INPP5A: variants seen among roughly 807,000 people sequenced by gnomAD.
INPP5A encodes inositol polyphosphate-5-phosphatase A, also known as 43 kDa inositol polyphosphate 5-phophatase.
INPP5A carries 14 observed loss-of-function variants against 65.2 expected under a neutral mutation model. That is an observed-to-expected ratio of 0.21 (90% confidence interval 0.14 to 0.34). INPP5A has a LOEUF of 0.34. Among genes scored for constraint, INPP5A ranks in the 10% least tolerant of loss-of-function variants. INPP5A has a pLI of 1.00. For missense variants in INPP5A, 431 were observed against 545.6 expected (o/e 0.79, Z 2.09); for synonymous variants, 207 against 208.3 (o/e 0.99, Z 0.05).
Position 132,608,413 on chromosome 10 carries a change from C to T in INPP5A, c.117+457C>T, listed in dbSNP as rs371561129. On this transcript the variant is annotated intron_variant, in intron 2 of 15. Coordinates refer to ENST00000368594, the MANE Select transcript of INPP5A (RefSeq NM_005539.5). ...GGGTTTCGGGCTGGCACTGCCAGGCCGAGGCACGGACCCCCCTGTCTAATA... is the reference window on the plus strand; with the variant it reads ...GGGTTTCGGGCTGGCACTGCCAGGCTGAGGCACGGACCCCCCTGTCTAATA... Among the ~76,000 whole-genome samples, 101 of 152,290 alleles carry T rather than the reference C, an allele frequency of 6.6e-4. No individual in the cohort carries two copies. In the South Asian group the frequency reaches 0.016, roughly 23 times the overall value.
At chr10:132,691,774 G>GCGTGTGGACGCGGGAGA (rs1254680867) in intron 5 of INPP5A, among the ~76,000 whole-genome samples, 17 of 152,304 alleles carry the variant, frequency 1.1e-4, no homozygotes, top group Admixed American at 9.8e-4. Flanking sequence ...GACACAGGAG[G>GCGTGTGGACGCGGGAGA]CGTGTGGACG....
rs549405909 is a variant in INPP5A, at chr10:132,706,514, G to C, written c.475-1799G>C. On this transcript the variant is annotated intron_variant, in intron 6 of 15. Coordinates refer to ENST00000368594, the MANE Select transcript of INPP5A (RefSeq NM_005539.5). The surrounding 1 kb of genome is among the most constrained non-coding windows in gnomAD (Gnocchi z 4.7). ...TACATTCAGAGGATTCACAGTTCGT[G>C]TGCCGGGGTGCTTCTTACAGCAGTG... 2.0e-5 allele frequency among the ~76,000 whole-genome samples: 3 copies of C among 152,382 alleles called. No individual in the cohort carries two copies. The South Asian group carries it at 6.2e-4, about 32-fold the overall frequency.
intron 2 of INPP5A, among the ~76,000 whole-genome samples, chr10:132,640,396 C>T (rs1199104396): frequency 1.3e-5 from 2 of 152,256 alleles, no homozygotes; most frequent in Non-Finnish European, 2.9e-5. Context: ...GGTTGCCCCA[C>T]ACCGTCCGGC....
At position 132,780,909 on chromosome 10, in the gene INPP5A, G is replaced by A. The variant is rs1284436839; in HGVS notation, c.1150G>A (p.Asp384Asn). The change falls in exon 14 of 16, where the codon GAC (aspartate) becomes AAC (asparagine). Residue 384 changes from aspartate to asparagine, a missense_variant. Physicochemically the swap from Asp to Asn is conservative, Grantham distance 23 (BLOSUM62 1). Transcript: ENST00000368594. ...DHIGPNVCMG[D>N]HKPVFLAFRI... ...CATTGGGCCCAACGTCTGCATGGGAGACCACAAGGTGACATAGACTGAGGT... is the reference window on the plus strand; with the variant it reads ...CATTGGGCCCAACGTCTGCATGGGAAACCACAAGGTGACATAGACTGAGGT... The A allele has an allele frequency of 6.6e-7, 1 of 1,518,246 alleles. No homozygotes were observed. The highest frequency in any genetic ancestry group is 1.4e-5 in the African/African-American group (1 of 71,158). 94.0% of individuals were successfully genotyped at this position (1,518,246 alleles called of 1,614,324 possible).
rs564733091 is a variant in INPP5A at position 132,764,772 on chromosome 10, C to T, written c.904-1001C>T. On this transcript the variant is annotated intron_variant, in intron 11 of 15. Coordinates refer to ENST00000368594, the MANE Select transcript of INPP5A (RefSeq NM_005539.5). Reference sequence around the variant, plus strand: ...AGTCCTGCTGCGGTGGGAGGGTGTGCGTGGTGACACTCAGAAACACGGTCG... The same window carrying T: ...AGTCCTGCTGCGGTGGGAGGGTGTGTGTGGTGACACTCAGAAACACGGTCG... Among the ~76,000 whole-genome samples the T allele has an allele frequency of 6.5e-4, 62 of 95,634 alleles. 1 individual carries two copies. The highest frequency in any genetic ancestry group is 2.2e-3 in the African/African-American group (51 of 22,924). 62.7% of individuals were successfully genotyped at this position (95,634 alleles called of 152,430 possible). A position where few individuals can be genotyped will look rare whatever the true frequency, so the allele number is the denominator to read the frequency against.
Position 132,780,896 on chromosome 10 carries a change from C to A in INPP5A, c.1137C>A (p.Asn379Lys). Residue 379 changes from asparagine (N) to lysine (K), a missense_variant, in exon 14 of 16, where the codon AAC (asparagine) becomes AAA (lysine). Coordinates refer to ENST00000368594, the MANE Select transcript of INPP5A (RefSeq NM_005539.5). ...KVVTYDHIGP[N>K]VCMGDHKPVF... is the part of the protein sequence containing the mutation. ...TCACCTATGACCACATTGGGCCCAA[C>A]GTCTGCATGGGAGACCACAAGGTGA... 6.3e-7 allele frequency: 1 copy of A among 1,590,442 alleles called. No homozygotes were observed. Among genetic ancestry groups the A allele is most frequent in the Non-Finnish European group, 8.6e-7 (1 of 1,165,850 alleles).
chr10:132,739,329 C>T (rs532028848), intron 9 of INPP5A, among the ~76,000 whole-genome samples: 11 of 152,368 alleles, frequency 7.2e-5, no homozygotes, highest in South Asian at 2.1e-4. Context: ...ACATTTCCCA[C>T]GCCAAGTCTG....
intron 8 of INPP5A, 76 bp from the exon 9 acceptor site, chr10:132,726,744 TG>T: frequency 1.0e-6 from 1 of 993,108 alleles, no homozygotes; most frequent in Non-Finnish European, 1.6e-6. Flanking sequence ...ATGGGGAGCG[TG>T]GAGGAGCACC....
intron 4 of INPP5A, among the ~76,000 whole-genome samples, chr10:132,684,969 A>G (rs1393322204): frequency 6.6e-6 from 1 of 152,226 alleles, no homozygotes; most frequent in Non-Finnish European, 1.5e-5. Context: ...ATTTAAAACA[A>G]ATGAAGTTCT....
At chr10:132,652,646 C>T (rs1379510952) in intron 4 of INPP5A, among the ~76,000 whole-genome samples, 1 of 152,208 alleles carries the variant, frequency 6.6e-6, no homozygotes, top group East Asian at 1.9e-4. Context: ...GCTACCTCTT[C>T]CTCATGGGGA....
At chr10:132,586,864 TCAGAAGGCGGCG>T (rs2071551888) in intron 1 of INPP5A, among the ~76,000 whole-genome samples, 3 of 152,142 alleles carry the variant, frequency 2.0e-5, no homozygotes, top group Admixed American at 6.5e-5. Context: ...CTCCTGCGCG[TCAGAAGGCGGCG>T]CAGCGCGGCG....
In INPP5A at chr10:132,697,602, T is replaced by A. The variant is rs1845365515; in HGVS notation, c.371-214T>A. Among the ~76,000 whole-genome samples, 1 of 152,126 alleles carries A rather than the reference T, an allele frequency of 6.6e-6. No homozygotes were observed. Among genetic ancestry groups the A allele is most frequent in the South Asian group, 2.1e-4 (1 of 4,824 alleles). On this transcript the variant is annotated intron_variant, in intron 5 of 15. Coordinates refer to ENST00000368594, the MANE Select transcript of INPP5A (RefSeq NM_005539.5). The surrounding 1 kb of genome is among the most constrained non-coding windows in gnomAD (Gnocchi z 5.6). Reference sequence around the variant, plus strand: ...GCGATAATGGAGTGGAGTGTCAGATTCCAGGTCATGGGAGGGGAATTTATG... The same window carrying A: ...GCGATAATGGAGTGGAGTGTCAGATACCAGGTCATGGGAGGGGAATTTATG...
At chr10:132,743,428 C>A (rs919222014) in intron 9 of INPP5A, among the ~76,000 whole-genome samples, 20 of 150,206 alleles carry the variant, frequency 1.3e-4, no homozygotes, top group African/African-American at 4.9e-4. Context: ...AGCCCACCCA[C>A]CAGCGCTGCA....
chr10:132,604,274 G>T (rs1209241598), intron 1 of INPP5A, among the ~76,000 whole-genome samples: 2 of 146,784 alleles, frequency 1.4e-5, no homozygotes, highest in Non-Finnish European at 3.0e-5. Context: ...GTGCCGTCAG[G>T]GTCCCCTCTC....
intron 9 of INPP5A, 145 bp from the exon 10 acceptor site, chr10:132,749,372 C>T (rs1846429756): frequency 1.5e-6 from 1 of 687,746 alleles, no homozygotes; most frequent in African/African-American, 1.8e-5. Flanking sequence ...GGAGTGGCCC[C>T]TGACCCCAGG....
At chr10:132,689,810 G>A (rs1845226587) in intron 4 of INPP5A, among the ~76,000 whole-genome samples, 2 of 152,224 alleles carry the variant, frequency 1.3e-5, no homozygotes, top group South Asian at 2.1e-4. Context: ...TGAAGAGCAG[G>A]GATCCCTGTG....
In INPP5A at chr10:132,587,243, G is replaced by T. The variant is rs1179275658; in HGVS notation, c.76-20672G>T. On this transcript the variant is annotated intron_variant, in intron 1 of 15. Coordinates refer to ENST00000368594, the MANE Select transcript of INPP5A (RefSeq NM_005539.5). This position sits in a 1 kb window ranked among gnomAD's most constrained non-coding sequence, Gnocchi z 4.3. ...ACAGGAGATGGACCCAGGGCAGCTT[G>T]GGCCCGTTCCTCACCTGTTACCTGC... is the stretch of plus-strand genomic sequence containing the variant. Among the ~76,000 whole-genome samples, 1 of 152,232 alleles carries T rather than the reference G, an allele frequency of 6.6e-6. No homozygotes were observed. The highest frequency in any genetic ancestry group is 2.4e-5 in the African/African-American group (1 of 41,452).
intron 2 of INPP5A, among the ~76,000 whole-genome samples, chr10:132,611,855 A>G (rs1209855777): frequency 6.6e-5 from 6 of 91,352 alleles, no homozygotes; most frequent in African/African-American, 1.3e-4. Context: ...GCCCCGTCAG[A>G]GGAGGGTGTG....
intron 11 of INPP5A, among the ~76,000 whole-genome samples, chr10:132,750,223 C>T (rs978387484): frequency 1.3e-5 from 2 of 152,258 alleles, no homozygotes; most frequent in African/African-American, 2.4e-5. Context: ...GGAGCAGGTT[C>T]CTCACACTCC....
Sources: allele counts gnomAD v4.1 joint callset (sites outside exome capture counted in the v4.1 genomes callset), GRCh38; gene constraint gnomAD v4.1.1; non-coding constraint Gnocchi (gnomAD v3.1); transcripts MANE v1.5; gene names NCBI Gene and HGNC (gene_info 2026-07-23, HGNC 2026-07-21).